DNAAF5: variants seen among roughly 807,000 people sequenced by gnomAD.
The protein encoded by DNAAF5 is dynein axonemal assembly factor 5, also known as HEAT repeat containing 2.
A neutral mutation model predicts 75.8 loss-of-function variants in DNAAF5; 64 were observed. The ratio of observed to expected loss-of-function variants is 0.84; its 90% CI spans 0.69 to 1.04. DNAAF5 has a LOEUF of 1.04. Ranked by LOEUF, DNAAF5 falls within the 50% of genes least tolerant of loss-of-function variation. The probability of loss-of-function intolerance (pLI) is 0.00; values close to 1 mark genes in which losing one functional copy is unlikely to be tolerated. For missense variants in DNAAF5, 1,269 were observed against 1,178.5 expected (o/e 1.08, Z -1.12); for synonymous variants, 657 against 557.2 (o/e 1.18, Z -2.52).
In DNAAF5 at chr7:734,503, C is replaced by T. The variant is rs542742370; in HGVS notation, c.780+4656C>T. ...TGCTGTTGAAACAGTGGAAACTTTG[C>T]GTCAGTGTTCATCAGGGATATTGTC... is the stretch of plus-strand genomic sequence containing the variant. On this transcript the variant is annotated intron_variant, in intron 2 of 12. Transcript: ENST00000297440. Among the ~76,000 whole-genome samples the T allele has an allele frequency of 5.3e-5, 8 of 152,280 alleles. No individual in the cohort carries two copies. The East Asian group carries it at 7.7e-4, about 15-fold the overall frequency.
At chr7:766,023 C>T (rs1303207921) in intron 8 of DNAAF5, among the ~76,000 whole-genome samples, 1 of 152,140 alleles carries the variant, frequency 6.6e-6, no homozygotes, top group Non-Finnish European at 1.5e-5. Context: ...GACATGGGGT[C>T]TCTTTATGTT....
intron 12 of DNAAF5, among the ~76,000 whole-genome samples, chr7:785,045 GCTTA>G (rs1450144446): frequency 1.3e-5 from 2 of 152,090 alleles, no homozygotes; most frequent in Admixed American, 1.3e-4. Flanking sequence ...CAGAGTGTCA[GCTTA>G]CTTATATCCA....
chr7:768,447 C>A (rs1020654047), intron 8 of DNAAF5: 3 of 149,712 alleles, frequency 2.0e-5, no homozygotes, highest in Non-Finnish European at 4.4e-5. Flanking sequence ...GGCGCTCCGG[C>A]TGGGAGGGCA....
chr7:757,020 G>A (rs1357635349), intron 6 of DNAAF5, 26 bp downstream of exon 6: 4 of 1,582,102 alleles, frequency 2.5e-6, no homozygotes, highest in Non-Finnish European at 2.6e-6. Flanking sequence ...AGATGCGGGA[G>A]TGGAGAGGAG....
At chr7:764,471 C>T (rs1259629301) in intron 8 of DNAAF5, among the ~76,000 whole-genome samples, 1 of 152,200 alleles carries the variant, frequency 6.6e-6, no homozygotes, top group Non-Finnish European at 1.5e-5. Context: ...CCTAAGGAGA[C>T]GTCCGCTCAG....
intron 11 of DNAAF5, among the ~76,000 whole-genome samples, chr7:779,062 G>T (rs990052910): frequency 6.6e-6 from 1 of 152,276 alleles, no homozygotes; most frequent in Non-Finnish European, 1.5e-5. Context: ...AACCCACTGG[G>T]TCCCACTTGT....
At chr7:785,396 C>T (rs1779114675) in intron 12 of DNAAF5, 121 bp from the exon 13 acceptor site, 2 of 1,062,620 alleles carry the variant, frequency 1.9e-6, no homozygotes, top group Middle Eastern at 2.1e-4. Flanking sequence ...CCAGCAGCGT[C>T]AGGTTATTTG....
intron 11 of DNAAF5, among the ~76,000 whole-genome samples, chr7:776,599 TC>T (rs1778767677): frequency 6.6e-6 from 1 of 152,160 alleles, no homozygotes; most frequent in Admixed American, 6.5e-5. Flanking sequence ...GGGCACAGCC[TC>T]AGTGTCGCCG....
At chr7:743,088 G>A (rs982160485) in intron 4 of DNAAF5, among the ~76,000 whole-genome samples, 1 of 152,198 alleles carries the variant, frequency 6.6e-6, no homozygotes, top group African/African-American at 2.4e-5. Flanking sequence ...TTCTTGGCCG[G>A]GCACAGTAGC....
intron 2 of DNAAF5, among the ~76,000 whole-genome samples, chr7:740,288 T>C (rs1781863792): frequency 6.6e-6 from 1 of 152,188 alleles, no homozygotes; most frequent in Non-Finnish European, 1.5e-5. Context: ...TCGTGCCCCC[T>C]CTTCAGACAC....
chr7:781,216 C>T (rs1007639241), intron 12 of DNAAF5, among the ~76,000 whole-genome samples: 2 of 152,230 alleles, frequency 1.3e-5, no homozygotes, highest in East Asian at 1.9e-4. Flanking sequence ...CATCCTTCTG[C>T]TCTATCTCCA....
intron 2 of DNAAF5, among the ~76,000 whole-genome samples, chr7:738,721 A>G (rs1781810437): frequency 6.6e-6 from 1 of 152,218 alleles, no homozygotes; most frequent in Admixed American, 6.5e-5. Flanking sequence ...GATACTAAGT[A>G]GAGACTGATA....
chr7:784,614 C>T (rs1779091134), intron 12 of DNAAF5, among the ~76,000 whole-genome samples: 1 of 152,190 alleles, frequency 6.6e-6, no homozygotes, highest in Non-Finnish European at 1.5e-5. Flanking sequence ...GACACGTTTG[C>T]CTTCCTGATT....
intron 8 of DNAAF5, among the ~76,000 whole-genome samples, chr7:767,969 A>C (rs1778384959): frequency 7.5e-6 from 1 of 133,066 alleles, no homozygotes. Context: ...CGCCAGCAGG[A>C]GCGCTCGTGC....
chr7:783,649 AAGG>A lies in DNAAF5; in HGVS notation c.2432-1863_2432-1861del, dbSNP rs144178526. Among the ~76,000 whole-genome samples the A allele has an allele frequency of 3.6e-3, 543 of 152,268 alleles. 4 individuals are homozygous for A. Among genetic ancestry groups the A allele is most frequent in the African/African-American group, 0.012 (508 of 41,554 alleles). On this transcript the variant is annotated intron_variant, in intron 12 of 12. Transcript: ENST00000297440. The stretch of plus-strand genomic sequence containing the variant: ...TGGAGACCAATTGGAAATTGTTTAA[AAGG>A]AGGACAGCAGCTCACGTGCAGGCCT...
At chr7:729,879 C>T in intron 2 of DNAAF5, 32 bp downstream of exon 2, 3 of 1,607,610 alleles carry the variant, frequency 1.9e-6, no homozygotes, top group Non-Finnish European at 1.7e-6. Flanking sequence ...CAGTCTGTTC[C>T]TCTCTCCAAC....
intron 9 of DNAAF5, chr7:772,313 C>T (rs1778594323): frequency 6.6e-6 from 1 of 152,282 alleles, no homozygotes; most frequent in Admixed American, 6.5e-5. Flanking sequence ...CTAATCCGAA[C>T]TTCAGAAATC....
chr7:727,295 C>G lies in DNAAF5; in HGVS notation c.575C>G (p.Ala192Gly), dbSNP rs1781362341. The G allele has an allele frequency of 7.7e-7, 1 of 1,301,920 alleles. No homozygotes were observed. The highest frequency in any genetic ancestry group is 1.6e-5 in the African/African-American group (1 of 64,388). The allele number at this position is 1,301,920 out of a possible 1,614,324, so 80.6% of individuals were successfully genotyped here. A position where few individuals can be genotyped will look rare whatever the true frequency, so the allele number is the denominator to read the frequency against. Residue 192 changes from alanine to glycine, a missense_variant, in exon 1 of 13, where the codon GCC (alanine) becomes GGC (glycine). Transcript: ENST00000297440. ...VRRESCSCAAALAQATPDHFH... is the reference protein window; with the variant it reads ...VRRESCSCAAGLAQATPDHFH... ...CGCGAGAGCTGCAGCTGCGCCGCCG[C>G]CCTGGCGCAGGCCACGCCCGGTGAG...
chr7:729,618 C>T (rs367924076), intron 1 of DNAAF5, 45 bp from the exon 2 acceptor site: 208 of 1,574,382 alleles, frequency 1.3e-4, no homozygotes, highest in Middle Eastern at 2.0e-4. Context: ...CTGGGCGAGG[C>T]GTGTGGGAGC....
Sources: gnomAD v4.1 joint callset for allele counts (sites outside exome capture counted in the v4.1 genomes callset) on GRCh38, gnomAD v4.1.1 for gene constraint, MANE v1.5 for transcripts, NCBI Gene and HGNC (gene_info 2026-07-23, HGNC 2026-07-21) for gene names.